SLC9A8: variants seen among roughly 807,000 people sequenced by gnomAD.
SLC9A8 encodes the protein solute carrier family 9 member A8.
SLC9A8 carries 48 observed loss-of-function variants against 66.6 expected under a neutral mutation model. That is an observed-to-expected ratio of 0.72 (90% CI 0.57 to 0.92). The LOEUF (loss-of-function observed/expected upper bound fraction) is 0.92. Among genes scored for constraint, SLC9A8 ranks in the 40% least tolerant of loss-of-function variants. The pLI is 0.00. For missense variants in SLC9A8, 599 were observed against 747.3 expected (o/e 0.80, Z 2.31); for synonymous variants, 274 against 282.6 (o/e 0.97, Z 0.31).
At chr20:49,834,419 T>A (rs1440394262) in intron 3 of SLC9A8, among the ~76,000 whole-genome samples, 1,320 of 36,750 alleles carry the variant, frequency 0.036, 38 homozygotes, top group Non-Finnish European at 0.051. Flanking sequence ...ATATATATAC[T>A]GTATATATAT....
chr20:49,820,747 T>C (rs780629505), intron 2 of SLC9A8, among the ~76,000 whole-genome samples: 1 of 151,992 alleles, frequency 6.6e-6, no homozygotes, highest in Non-Finnish European at 1.5e-5. Context: ...CGTTTCACCA[T>C]GTTGGCCAGG....
chr20:49,849,449 C>A, intron 5 of SLC9A8, 130 bp from the exon 6 acceptor site: 1 of 675,530 alleles, frequency 1.5e-6, no homozygotes, highest in Admixed American at 2.5e-5. Flanking sequence ...CCCAGCTTGC[C>A]ACACAGGTTG....
Position 49,870,063 on chromosome 20 carries a change from C to T in SLC9A8, c.959-4642C>T, listed in dbSNP as rs140021236. ...TACTTAAAAAATGAACTTGACCTGT[C>T]TGTACTGCCATGGAAAGAATTTGAC... On this transcript the variant is annotated intron_variant, in intron 10 of 15. Transcript: ENST00000361573. Among the ~76,000 whole-genome samples, 986 of 152,260 alleles carry T rather than the reference C, an allele frequency of 6.5e-3. 11 individuals are homozygous for T. The highest frequency in any genetic ancestry group is 0.024 in the Middle Eastern group (7 of 294).
chr20:49,869,140 G>A (rs552535246), intron 10 of SLC9A8, among the ~76,000 whole-genome samples: 1 of 152,332 alleles, frequency 6.6e-6, no homozygotes, highest in South Asian at 2.1e-4. Context: ...GTGACACTCT[G>A]TCAAGGTGAG....
chr20:49,884,336 A>C lies in SLC9A8; in HGVS notation c.1491+270A>C, dbSNP rs865962257. 2.7e-3 allele frequency among the ~76,000 whole-genome samples: 290 copies of C among 108,352 alleles called. 3 individuals are homozygous for C. Among genetic ancestry groups the C allele is most frequent in the Non-Finnish European group, 3.9e-3 (203 of 51,812 alleles). The allele number at this position is 108,352 out of a possible 152,430, so 71.1% of individuals were successfully genotyped here. On this transcript the variant is annotated intron_variant, in intron 14 of 15. Coordinates refer to ENST00000361573, the MANE Select transcript of SLC9A8 (RefSeq NM_015266.3). ...CACACACACACACACACACACACAC[A>C]CCCCCCGGTCATCCCCCCTGAGAAG...
At chr20:49,845,577 C>T (rs1202791165) in intron 5 of SLC9A8, among the ~76,000 whole-genome samples, 1 of 152,150 alleles carries the variant, frequency 6.6e-6, no homozygotes, top group Admixed American at 6.5e-5. Flanking sequence ...GTCTCCCTCT[C>T]GGTGCCCTCC....
chr20:49,876,433 G>A (rs180686820), intron 11 of SLC9A8, among the ~76,000 whole-genome samples: 16 of 152,288 alleles, frequency 1.1e-4, no homozygotes, highest in African/African-American at 3.8e-4. Flanking sequence ...CATTTGCCAC[G>A]TCTGTCTGAA....
intron 11 of SLC9A8, among the ~76,000 whole-genome samples, chr20:49,875,274 TA>T (rs33958043): frequency 0.017 from 2,137 of 123,210 alleles, 28 homozygotes; most frequent in African/African-American, 0.048. Flanking sequence ...GCTATGATCT[TA>T]AAAAAAAAAA....
intron 10 of SLC9A8, among the ~76,000 whole-genome samples, chr20:49,872,457 CT>C (rs3067539): frequency 0.63 from 92,895 of 146,818 alleles, 29,466 homozygotes; most frequent in East Asian, 0.82. Context: ...GATTTTCACC[CT>C]TTTTTTTTTT....
At chr20:49,829,675 A>C (rs1370660561) in intron 3 of SLC9A8, 4 of 478,130 alleles carry the variant, frequency 8.4e-6, no homozygotes, top group South Asian at 7.3e-5. Context: ...CTATTCCAGC[A>C]AGCGGTGGAT....
chr20:49,834,203 A>G (rs899113770), intron 3 of SLC9A8, among the ~76,000 whole-genome samples: 6 of 131,182 alleles, frequency 4.6e-5, no homozygotes, highest in Non-Finnish European at 9.4e-5. Flanking sequence ...ATATATATAT[A>G]TATATATATA....
Position 49,886,917 on chromosome 20 carries a change from C to G in SLC9A8, c.1638+19C>G, listed in dbSNP as rs370066804. The G allele has an allele frequency of 6.2e-6, 10 of 1,608,550 alleles. No homozygotes were observed. Among genetic ancestry groups the G allele is most frequent in the Non-Finnish European group, 7.6e-6 (9 of 1,176,606 alleles). On this transcript the variant is annotated intron_variant, in intron 15 of 15. Coordinates refer to ENST00000361573, the MANE Select transcript of SLC9A8 (RefSeq NM_015266.3). This position sits in a 1 kb window ranked among gnomAD's most constrained non-coding sequence, Gnocchi z 4.8. ...GCAGGAGGTGGGATACCGGCCAGGC[C>G]ACACTTTCTGGGGGTCCCTTGCCTG...
intron 3 of SLC9A8, among the ~76,000 whole-genome samples, chr20:49,827,165 C>T (rs1030526680): frequency 1.3e-5 from 2 of 151,686 alleles, no homozygotes; most frequent in Admixed American, 6.6e-5. Flanking sequence ...TGGTCTCGAA[C>T]TCCTGACCGC....
intron 4 of SLC9A8, among the ~76,000 whole-genome samples, chr20:49,841,582 TTTA>T (rs1169124699): frequency 6.6e-6 from 1 of 151,600 alleles, no homozygotes; most frequent in East Asian, 1.9e-4. Flanking sequence ...ATATAAATTA[TTTA>T]TTTATTTCTT....
At chr20:49,860,590 G>A (rs2146661887) in intron 8 of SLC9A8, among the ~76,000 whole-genome samples, 1 of 152,098 alleles carries the variant, frequency 6.6e-6, no homozygotes, top group Middle Eastern at 3.4e-3. Context: ...GCACGGTGGT[G>A]CGCATCTGTA....
intron 2 of SLC9A8, among the ~76,000 whole-genome samples, chr20:49,816,802 C>G (rs532221201): frequency 1.3e-5 from 2 of 152,074 alleles, no homozygotes; most frequent in African/African-American, 4.8e-5. Flanking sequence ...TATCTCGGCT[C>G]ACTGCAAGCT....
intron 4 of SLC9A8, among the ~76,000 whole-genome samples, chr20:49,843,636 C>G (rs763043130): frequency 1.3e-5 from 2 of 152,090 alleles, no homozygotes; most frequent in Non-Finnish European, 2.9e-5. Flanking sequence ...AAAATTCTAC[C>G]AACAACTAGA....
At chr20:49,849,913 TC>T (rs140404072) in intron 6 of SLC9A8, among the ~76,000 whole-genome samples, 11 of 152,098 alleles carry the variant, frequency 7.2e-5, no homozygotes, top group African/African-American at 2.7e-4. Context: ...TTTTCCATAA[TC>T]CCCCCCAAAG....
Position 49,886,986 on chromosome 20 carries a change from AGT to A in SLC9A8, c.1638+90_1638+91del. The stretch of plus-strand genomic sequence containing the variant: ...GTGGCCCAGGGTGGGGTGGAGGAAG[AGT>A]GGGGAGGCAGGAAAGCTCACGTGGG... On this transcript the variant is annotated intron_variant, in intron 15 of 15. Transcript: ENST00000361573. This position sits in a 1 kb window ranked among gnomAD's most constrained non-coding sequence, Gnocchi z 4.8. The A allele has an allele frequency of 6.9e-6, 10 of 1,453,424 alleles. No homozygotes were observed. Among genetic ancestry groups the A allele is most frequent in the Non-Finnish European group, 9.3e-6 (10 of 1,072,118 alleles). 90.0% of individuals were successfully genotyped at this position (1,453,424 alleles called of 1,614,324 possible). A position where few individuals can be genotyped will look rare whatever the true frequency, so the allele number is the denominator to read the frequency against.
Sources: allele counts gnomAD v4.1 joint callset (sites outside exome capture counted in the v4.1 genomes callset), GRCh38; gene constraint gnomAD v4.1.1; non-coding constraint Gnocchi (gnomAD v3.1); transcripts MANE v1.5; gene names NCBI Gene and HGNC (gene_info 2026-07-23, HGNC 2026-07-21).